The following SUZ12 variants were observed in gnomAD, a reference collection of about 807,000 sequenced individuals.
The protein encoded by SUZ12 is polycomb protein SUZ12.
In SUZ12, 17 loss-of-function variants were observed where a neutral mutation model predicts 87.3. That is an observed-to-expected ratio of 0.19 (90% CI 0.13 to 0.29). The LOEUF (loss-of-function observed/expected upper bound fraction) is 0.29, where lower values mean the gene tolerates loss of function less well. Among genes scored for constraint, SUZ12 ranks in the 10% least tolerant of loss-of-function variants. The pLI is 1.00. For missense variants in SUZ12, 526 were observed against 912.2 expected (o/e 0.58, Z 5.45); for synonymous variants, 253 against 312.4 (o/e 0.81, Z 2.01).
intron 8 of SUZ12, among the ~76,000 whole-genome samples, chr17:31,979,020 C>T (rs555506763): frequency 5.3e-4 from 79 of 147,776 alleles, no homozygotes; most frequent in Non-Finnish European, 6.5e-4. Flanking sequence ...GCAGGAGAAT[C>T]GCTTGAACCC....
At chr17:31,942,422 A>C (rs1171734193) in intron 3 of SUZ12, among the ~76,000 whole-genome samples, 3 of 151,048 alleles carry the variant, frequency 2.0e-5, no homozygotes, top group African/African-American at 7.3e-5. Flanking sequence ...TGCAACCTCC[A>C]CCTCGCGGGT....
chr17:31,952,196 G>A (rs553050871), intron 4 of SUZ12, among the ~76,000 whole-genome samples: 15 of 152,038 alleles, frequency 9.9e-5, no homozygotes, highest in African/African-American at 2.9e-4. Context: ...GAATAGCTAG[G>A]ACTACAGGTG....
chr17:31,975,744 T>G (rs1240714778), intron 7 of SUZ12, 31 bp downstream of exon 7: 1 of 1,517,488 alleles, frequency 6.6e-7, no homozygotes, highest in Non-Finnish European at 9.0e-7. Context: ...ATTTTATCAC[T>G]GGAGACTAAG....
At position 31,937,042 on chromosome 17, in the gene SUZ12, G is replaced by A. The variant is rs1905959663; in HGVS notation, c.-205G>A. The A allele has an allele frequency of 2.3e-6, 1 of 439,224 alleles. No homozygotes were observed. The highest frequency in any genetic ancestry group is 2.1e-5 in the African/African-American group (1 of 48,714). The allele number at this position is 439,224 out of a possible 1,614,324, so 27.2% of individuals were successfully genotyped here. ...CAGGGTAGGGTGAGCGGCCTCCGAA[G>A]CGGAGCGGGGCTCTGAGGAGACACT... On this transcript the variant is annotated 5_prime_UTR_variant, in exon 1 of 16. Transcript: ENST00000322652.
At chr17:31,963,145 A>T (rs1444143211) in intron 4 of SUZ12, among the ~76,000 whole-genome samples, 13,041 of 124,150 alleles carry the variant, frequency 0.11, no homozygotes, top group South Asian at 0.19. Context: ...GTATACGATT[A>T]TTTATTATTA....
intron 15 of SUZ12, among the ~76,000 whole-genome samples, chr17:31,998,197 A>G (rs1193810471): frequency 6.7e-6 from 1 of 150,350 alleles, no homozygotes; most frequent in Non-Finnish European, 1.5e-5. Flanking sequence ...CTCCTGCCTC[A>G]GCCTCCGGAG....
intron 4 of SUZ12, among the ~76,000 whole-genome samples, chr17:31,956,219 AC>A (rs1449702783): frequency 2.0e-5 from 3 of 149,424 alleles, no homozygotes; most frequent in Non-Finnish European, 4.5e-5. Flanking sequence ...AGCCAGTATT[AC>A]TATTTTTTTG....
At chr17:31,973,102 A>T in intron 5 of SUZ12, 44 bp from the exon 6 acceptor site, 2 of 1,498,132 alleles carry the variant, frequency 1.3e-6, no homozygotes. Context: ...TACCTTGTTC[A>T]TATATTTTTT....
chr17:31,944,139 T>A (rs182744572), intron 3 of SUZ12, among the ~76,000 whole-genome samples: 308 of 152,308 alleles, frequency 2.0e-3, no homozygotes, highest in Middle Eastern at 6.8e-3. Context: ...TATTATTATT[T>A]TTTTTTGAGA....
intron 9 of SUZ12, among the ~76,000 whole-genome samples, chr17:31,983,967 G>A (rs1209299344): frequency 5.3e-5 from 8 of 152,154 alleles, no homozygotes; most frequent in Non-Finnish European, 5.9e-5. Context: ...TTCTAAATAT[G>A]TTAGATCAGT....
intron 4 of SUZ12, among the ~76,000 whole-genome samples, chr17:31,949,893 G>A (rs1290269710): frequency 6.6e-6 from 1 of 151,860 alleles, no homozygotes; most frequent in Non-Finnish European, 1.5e-5. Flanking sequence ...ATGTTGGCCA[G>A]GCTGGTCTTG....
intron 4 of SUZ12, among the ~76,000 whole-genome samples, chr17:31,954,188 G>T (rs1167129427): frequency 3.9e-5 from 6 of 152,046 alleles, no homozygotes; most frequent in African/African-American, 1.4e-4. Flanking sequence ...TCAGCCTCCT[G>T]AGTAGTTGGG....
chr17:31,973,511 T>A (rs972960706), intron 6 of SUZ12, among the ~76,000 whole-genome samples: 3 of 152,240 alleles, frequency 2.0e-5, no homozygotes, highest in South Asian at 2.1e-4. Context: ...GTTGCTGTTC[T>A]ACCATTTCAA....
chr17:31,992,744 G>T (rs1221404998), intron 10 of SUZ12, among the ~76,000 whole-genome samples: 1 of 148,684 alleles, frequency 6.7e-6, no homozygotes, highest in Non-Finnish European at 1.5e-5. Context: ...TTTTGCTCTT[G>T]TCATCCAGGC....
chr17:31,940,996 C>T (rs913091741), intron 3 of SUZ12, among the ~76,000 whole-genome samples: 2 of 150,102 alleles, frequency 1.3e-5, no homozygotes, highest in Admixed American at 6.7e-5. Flanking sequence ...GGCAACAGAG[C>T]GAGACTCTAC....
chr17:31,981,917 T>C (rs1377639845), intron 8 of SUZ12, among the ~76,000 whole-genome samples: 1 of 152,222 alleles, frequency 6.6e-6, no homozygotes, highest in African/African-American at 2.4e-5. Context: ...TGGCACATAG[T>C]GAACACTCAA....
chr17:31,984,573 G>A (rs549269472), intron 9 of SUZ12, among the ~76,000 whole-genome samples: 7 of 152,286 alleles, frequency 4.6e-5, no homozygotes, highest in South Asian at 2.1e-4. Context: ...AATGGGGGAA[G>A]TATCTGTAAC....
At chr17:31,941,221 C>T (rs1353439501) in intron 3 of SUZ12, among the ~76,000 whole-genome samples, 4 of 150,564 alleles carry the variant, frequency 2.7e-5, no homozygotes, top group Non-Finnish European at 4.4e-5. Flanking sequence ...CCTGCCTCAG[C>T]CTCCTTATTT....
intron 3 of SUZ12, among the ~76,000 whole-genome samples, chr17:31,945,129 A>G (rs898544771): frequency 4.6e-5 from 7 of 151,286 alleles, no homozygotes; most frequent in African/African-American, 1.7e-4. Context: ...TGATCTTATT[A>G]CTTATTAGGA....
Sources: allele counts gnomAD v4.1 joint callset (sites outside exome capture counted in the v4.1 genomes callset), GRCh38; gene constraint gnomAD v4.1.1; transcripts MANE v1.5; gene names NCBI Gene and HGNC (gene_info 2026-07-23, HGNC 2026-07-21).